The following TUSC3 variants were observed in gnomAD, a reference collection of about 807,000 sequenced individuals.
TUSC3 encodes the protein tumor suppressor candidate 3.
A neutral mutation model predicts 44.8 loss-of-function variants in TUSC3; 45 were observed. The observed-to-expected ratio is 1.00, with a 90% CI of 0.79 to 1.29. The LOEUF is 1.29. Ranked by LOEUF, TUSC3 falls within the 50% of genes most tolerant of loss-of-function variation. The pLI is 0.00. For missense variants in TUSC3, 519 were observed against 437.9 expected (o/e 1.19, Z -1.65); for synonymous variants, 212 against 152.9 (o/e 1.39, Z -2.85).
chr8:15,711,034 A>G (rs1809824098), intron 6 of TUSC3, among the ~76,000 whole-genome samples: 1 of 151,602 alleles, frequency 6.6e-6, no homozygotes, highest in Non-Finnish European at 1.5e-5. Context: ...TAAATTAAGA[A>G]CTTCTCATCT....
At chr8:15,748,347 A>G in intron 8 of TUSC3, 28 bp from the exon 9 acceptor site, 1 of 1,540,500 alleles carries the variant, frequency 6.5e-7, no homozygotes, top group South Asian at 1.1e-5. Context: ...ATTTTTAGAC[A>G]CTAATGGTAT....
At position 15,748,656 on chromosome 8, in the gene TUSC3, T is replaced by C. The variant is rs530156291; in HGVS notation, c.1028+191T>C. On this transcript the variant is annotated intron_variant, in intron 9 of 10. Transcript: ENST00000503731. ...ACAAAGGAGATATAAGGCATGGTTCTTGTTCCCTGACAGCATGTAGTTTCT... is the reference window on the plus strand; with the variant it reads ...ACAAAGGAGATATAAGGCATGGTTCCTGTTCCCTGACAGCATGTAGTTTCT... 3 of 734,022 alleles carry C rather than the reference T, an allele frequency of 4.1e-6. No individual in the cohort carries two copies. In the African/African-American group the frequency reaches 5.1e-5, roughly 13 times the overall value. The allele number at this position is 734,022 out of a possible 1,614,324, so 45.5% of individuals were successfully genotyped here.
At chr8:15,622,825 A>T (rs1156765704) in intron 1 of TUSC3, among the ~76,000 whole-genome samples, 1 of 151,424 alleles carries the variant, frequency 6.6e-6, no homozygotes, top group African/African-American at 2.4e-5. Context: ...TTTTTATGTC[A>T]ACCCCCATTG....
the TUSC3 span, among the ~76,000 whole-genome samples, chr8:15,798,464 C>A: frequency 6.6e-6 from 1 of 152,172 alleles, no homozygotes; most frequent in African/African-American, 2.4e-5. Context: ...CACCTCTAAT[C>A]TTCTGTCTCC....
At chr8:15,613,477 A>G (rs1231719040) in intron 1 of TUSC3, among the ~76,000 whole-genome samples, 2 of 152,180 alleles carry the variant, frequency 1.3e-5, no homozygotes, top group Non-Finnish European at 2.9e-5. Flanking sequence ...GCAGTTTTAC[A>G]AACATCAAGT....
intron 6 of TUSC3, among the ~76,000 whole-genome samples, chr8:15,674,216 T>A (rs1348210262): frequency 6.6e-6 from 1 of 152,020 alleles, no homozygotes; most frequent in Non-Finnish European, 1.5e-5. Context: ...TCAGAAGGGA[T>A]TAAGACATTA....
At chr8:15,649,168 G>A (rs1585191842) in intron 2 of TUSC3, among the ~76,000 whole-genome samples, 1 of 152,066 alleles carries the variant, frequency 6.6e-6, no homozygotes, top group African/African-American at 2.4e-5. Context: ...GTTTGTTTTG[G>A]GAAGTTTTTA....
At chr8:15,692,390 T>G (rs1322914889) in intron 6 of TUSC3, among the ~76,000 whole-genome samples, 1 of 145,494 alleles carries the variant, frequency 6.9e-6, no homozygotes, top group Non-Finnish European at 1.5e-5. Context: ...TTTTTTTTTT[T>G]TTTTTTTTTG....
intron 1 of TUSC3, among the ~76,000 whole-genome samples, chr8:15,426,237 T>G (rs1799802044): frequency 6.6e-6 from 1 of 152,206 alleles, no homozygotes; most frequent in Non-Finnish European, 1.5e-5. Flanking sequence ...GTTTTTGTTC[T>G]TGTTTCTCTG....
chr8:15,748,962 C>T (rs1811546074), intron 9 of TUSC3: 2 of 348,318 alleles, frequency 5.7e-6, no homozygotes, highest in East Asian at 1.5e-4. Context: ...ATAAGATTTT[C>T]ACCAACAAAT....
intron 1 of TUSC3, among the ~76,000 whole-genome samples, chr8:15,560,875 C>T (rs567055967): frequency 3.1e-5 from 2 of 64,600 alleles, no homozygotes; most frequent in South Asian, 1.0e-3. Context: ...AAGCACTTCT[C>T]TGTATTGGTT....
intron 1 of TUSC3, among the ~76,000 whole-genome samples, chr8:15,619,800 G>A (rs754521985): frequency 9.9e-5 from 15 of 152,110 alleles, no homozygotes; most frequent in Non-Finnish European, 1.9e-4. Flanking sequence ...GTGAGCCACC[G>A]TGCCCGGCCT....
At chr8:15,553,151 A>G (rs1346008016) in intron 1 of TUSC3, among the ~76,000 whole-genome samples, 1 of 151,788 alleles carries the variant, frequency 6.6e-6, no homozygotes, top group Non-Finnish European at 1.5e-5. Flanking sequence ...TGCCTGTGTG[A>G]TATCTAAACT....
intron 6 of TUSC3, among the ~76,000 whole-genome samples, chr8:15,676,302 G>T (rs1431885164): frequency 6.6e-6 from 1 of 152,042 alleles, no homozygotes. Context: ...TCATGTCTTT[G>T]CCTGCTTTTT....
At chr8:15,656,555 G>T (rs558955506) in intron 3 of TUSC3, among the ~76,000 whole-genome samples, 143 of 152,252 alleles carry the variant, frequency 9.4e-4, no homozygotes, top group Admixed American at 1.6e-3. Flanking sequence ...GGGCACACTG[G>T]GGCAAAGGTT....
At chr8:15,633,655 A>T (rs186960496) in intron 2 of TUSC3, among the ~76,000 whole-genome samples, 1 of 152,104 alleles carries the variant, frequency 6.6e-6, no homozygotes, top group Admixed American at 6.5e-5. Flanking sequence ...TTGATGGCAG[A>T]GGTGGGGAAA....
At chr8:15,813,405 C>T in the TUSC3 span, among the ~76,000 whole-genome samples, 1 of 144,476 alleles carries the variant, frequency 6.9e-6, no homozygotes, top group South Asian at 2.3e-4. Flanking sequence ...AAAAAACAGG[C>T]ACACCTGTCT....
At chr8:15,521,425 A>G (rs560099031) in intron 2 of TUSC3, among the ~76,000 whole-genome samples, 1 of 152,300 alleles carries the variant, frequency 6.6e-6, no homozygotes, top group South Asian at 2.1e-4. Flanking sequence ...CACATCCTTT[A>G]CAAGGATGTT....
intron 1 of TUSC3, among the ~76,000 whole-genome samples, chr8:15,455,779 G>T (rs559486749): frequency 2.0e-5 from 3 of 152,218 alleles, no homozygotes; most frequent in East Asian, 1.9e-4. Flanking sequence ...AGGTAACTAC[G>T]GGAGATACTT....
Sources: gnomAD v4.1 joint callset for allele counts (sites outside exome capture counted in the v4.1 genomes callset) on GRCh38, gnomAD v4.1.1 for gene constraint, MANE v1.5 for transcripts, NCBI Gene and HGNC (gene_info 2026-07-23, HGNC 2026-07-21) for gene names.